The following PLXNA4 variants were observed in gnomAD, a reference collection of about 807,000 sequenced individuals.
The protein encoded by PLXNA4 is plexin A4.
Under a neutral mutation model 191.8 loss-of-function variants are expected in PLXNA4, and 44 were observed. The ratio of observed to expected loss-of-function variants is 0.23; its 90% CI spans 0.18 to 0.29. PLXNA4 has a LOEUF of 0.29. PLXNA4 is among the 10% of genes least tolerant of loss of function. The pLI, the probability that PLXNA4 is intolerant of heterozygous loss-of-function variation, is 1.00. For missense variants in PLXNA4, 1,800 were observed against 2,488.8 expected, an observed-to-expected ratio of 0.72 and a Z score of 5.89; for synonymous variants, 1,082 against 1,009.5, an observed-to-expected ratio of 1.07 and a Z score of -1.36.
At chr7:132,198,879 T>C (rs1332827932) in intron 12 of PLXNA4, among the ~76,000 whole-genome samples, 4 of 152,202 alleles carry the variant, frequency 2.6e-5, no homozygotes, top group Non-Finnish European at 5.9e-5. Context: ...TTCCATTTCA[T>C]AGAAGAGATG....
chr7:132,635,020 T>C (rs1803569157), intron 2 of PLXNA4, among the ~76,000 whole-genome samples: 1 of 151,982 alleles, frequency 6.6e-6, no homozygotes, highest in Admixed American at 6.6e-5. Flanking sequence ...CCTACATCTT[T>C]CTCCTGTGCT....
At chr7:132,575,281 A>C (rs1228895679) in intron 1 of PLXNA4, among the ~76,000 whole-genome samples, 2 of 152,186 alleles carry the variant, frequency 1.3e-5, no homozygotes, top group Non-Finnish European at 2.9e-5. Context: ...AGAGAGAACA[A>C]GAATGAAAAT....
At chr7:132,634,339 A>G (rs960210355) in intron 2 of PLXNA4, among the ~76,000 whole-genome samples, 1 of 152,136 alleles carries the variant, frequency 6.6e-6, no homozygotes, top group Admixed American at 6.5e-5. Flanking sequence ...TAAGGCTTCA[A>G]TAAACCCTAT....
At chr7:132,525,855 C>T (rs1799380767) in intron 1 of PLXNA4, among the ~76,000 whole-genome samples, 1 of 152,224 alleles carries the variant, frequency 6.6e-6, no homozygotes, top group Non-Finnish European at 1.5e-5. Context: ...TGATGCATGT[C>T]AGCTCACTAA....
intron 3 of PLXNA4, among the ~76,000 whole-genome samples, chr7:132,333,428 A>C (rs553724115): frequency 5.9e-5 from 9 of 152,324 alleles, no homozygotes; most frequent in South Asian, 4.1e-4. Flanking sequence ...GGAAGGTAGC[A>C]ACAAGCACCA....
intron 3 of PLXNA4, among the ~76,000 whole-genome samples, chr7:132,483,017 T>A (rs1797400057): frequency 6.6e-6 from 1 of 152,232 alleles, no homozygotes; most frequent in South Asian, 2.1e-4. Flanking sequence ...AAAGTCACCA[T>A]GGATGCTTCT....
At chr7:132,211,264 C>G in intron 9 of PLXNA4, 121 bp from the exon 10 acceptor site, 2 of 1,041,800 alleles carry the variant, frequency 1.9e-6, no homozygotes, top group Non-Finnish European at 2.8e-6. Flanking sequence ...CACAGGCGAC[C>G]CCTGAGGTGC....
At chr7:132,444,442 AT>A (rs1220835315) in intron 3 of PLXNA4, among the ~76,000 whole-genome samples, 1 of 152,168 alleles carries the variant, frequency 6.6e-6, no homozygotes, top group Non-Finnish European at 1.5e-5. Flanking sequence ...CTTAGTAGAG[AT>A]GGGGTTTCAC....
chr7:132,633,364 T>A (rs1262756227), intron 2 of PLXNA4, among the ~76,000 whole-genome samples: 1 of 150,902 alleles, frequency 6.6e-6, no homozygotes, highest in Non-Finnish European at 1.5e-5. Context: ...CTCAATGCAA[T>A]CTCCACCTCC....
chr7:132,145,110 T>C lies in PLXNA4; in HGVS notation c.5225+9A>G. On this transcript the variant is annotated intron_variant, in intron 29 of 31. Coordinates refer to ENST00000321063, the MANE Select transcript of PLXNA4 (RefSeq NM_020911.2). ...CTCCCGATGTGCCCCCTGCCCTCCC[T>C]TCACTCACCAATTGCTCTTCCAGGT... 6.2e-7 allele frequency: 1 copy of C among 1,614,004 alleles called. No homozygotes were observed. Among genetic ancestry groups the C allele is most frequent in the Non-Finnish European group, 8.5e-7 (1 of 1,179,958 alleles).
intron 1 of PLXNA4, among the ~76,000 whole-genome samples, chr7:132,564,740 T>C (rs181358517): frequency 2.9e-3 from 448 of 152,314 alleles, no homozygotes; most frequent in Middle Eastern, 0.01. Context: ...AATATGCAAA[T>C]ATATGTGCAT....
chr7:132,131,701 A>G lies in PLXNA4; in HGVS notation c.5590-1127T>C, dbSNP rs951099468. 2.0e-5 allele frequency among the ~76,000 whole-genome samples: 3 copies of G among 152,236 alleles called. No individual in the cohort carries two copies. In the South Asian group the frequency reaches 6.2e-4, roughly 32 times the overall value. On this transcript the variant is annotated intron_variant, in intron 31 of 31. Coordinates refer to ENST00000321063, the MANE Select transcript of PLXNA4 (RefSeq NM_020911.2). ...AGGTGTACTTGTAGACTAACAGAGA[A>G]TCCTTTCTGAGAGGAGACGGTTGGA... is the stretch of plus-strand genomic sequence containing the variant.
At chr7:132,189,990 C>A (rs1797036508) in intron 14 of PLXNA4, among the ~76,000 whole-genome samples, 2 of 152,176 alleles carry the variant, frequency 1.3e-5, no homozygotes, top group Non-Finnish European at 2.9e-5. Context: ...AGAAAAATGA[C>A]AAATCTTTGA....
chr7:132,151,594 A>AGGAGGAGAAG, intron 25 of PLXNA4, among the ~76,000 whole-genome samples: 1 of 27,980 alleles, frequency 3.6e-5, no homozygotes, highest in Non-Finnish European at 3.5e-4. Flanking sequence ...AGGAGAAAGG[A>AGGAGGAGAAG]GGAGAGGGAG....
rs202222743 is a variant in PLXNA4, at chr7:132,179,823, G to A, written c.3738C>T (p.Gly1246=). ...CCACGATGAAAATGATGAGGAGGCC[G>A]CCAGCCACTGCGATGCTGACGATGG... is the stretch of plus-strand genomic sequence containing the variant. The part of the protein sequence containing the change: ...LPAIVSIAVA[G]GLLIIFIVAV... Residue 1246 remains glycine (G), a synonymous_variant, in exon 20 of 32, where the codon GGC becomes GGT. Coordinates refer to ENST00000321063, the MANE Select transcript of PLXNA4 (RefSeq NM_020911.2). 10 of 1,603,154 alleles carry A rather than the reference G, an allele frequency of 6.2e-6. No individual in the cohort carries two copies. Among genetic ancestry groups the A allele is most frequent in the Non-Finnish European group, 8.5e-6 (10 of 1,176,416 alleles).
At chr7:132,385,292 G>T (rs767146699) in intron 3 of PLXNA4, 4 of 1,611,538 alleles carry the variant, frequency 2.5e-6, no homozygotes, top group Non-Finnish European at 3.4e-6. Flanking sequence ...CTGGTACCAG[G>T]CATCTGGAAA....
intron 3 of PLXNA4, among the ~76,000 whole-genome samples, chr7:132,420,189 G>A (rs1794802310): frequency 6.6e-6 from 1 of 152,190 alleles, no homozygotes; most frequent in Non-Finnish European, 1.5e-5. Flanking sequence ...CTGTATTAGA[G>A]CATGAATTCT....
chr7:132,126,051 T>G lies in PLXNA4; in HGVS notation c.*4428A>C. 1 of 152,304 alleles carries G rather than the reference T, an allele frequency of 6.6e-6. No homozygotes were observed. The highest frequency in any genetic ancestry group is 2.4e-5 in the African/African-American group (1 of 41,474). The allele number at this position is 152,304 out of a possible 1,614,324, so 9.4% of individuals were successfully genotyped here. On this transcript the variant is annotated 3_prime_UTR_variant, in exon 32 of 32. Transcript: ENST00000321063. ...TAACAATACTGGCCCTTTGCTCGGT[T>G]AAGTATTTGACTTCACATTACTGTG... is the stretch of plus-strand genomic sequence containing the variant.
chr7:132,321,960 G>A (rs73157292), intron 3 of PLXNA4, among the ~76,000 whole-genome samples: 5,507 of 152,254 alleles, frequency 0.036, 159 homozygotes, highest in Middle Eastern at 0.068. Context: ...CCCAGTTTCC[G>A]TGCCTTTTTT....
Sources: gnomAD v4.1 joint callset for allele counts (sites outside exome capture counted in the v4.1 genomes callset) on GRCh38, gnomAD v4.1.1 for gene constraint, MANE v1.5 for transcripts, NCBI Gene and HGNC (gene_info 2026-07-23, HGNC 2026-07-21) for gene names.